Variants in DCT observed in about 807,000 individuals in gnomAD.
DCT encodes L-dopachrome tautomerase.
A neutral mutation model predicts 53.0 loss-of-function variants in DCT; 47 were observed. That is an observed-to-expected ratio of 0.89 (90% CI 0.70 to 1.13). The LOEUF (loss-of-function observed/expected upper bound fraction) is 1.13. Ranked by LOEUF, DCT falls within the 50% of genes most tolerant of loss-of-function variation. DCT has a pLI of 0.00. For synonymous variants in DCT, 244 were observed against 237.0 expected (o/e 1.03, Z -0.27); for missense variants, 669 against 637.4 (o/e 1.05, Z -0.53).
In DCT at chr13:94,473,244, G is replaced by A. The variant is rs567956863; in HGVS notation, c.296-4199C>T. On this transcript the variant is annotated intron_variant, in intron 1 of 7. Coordinates refer to ENST00000377028, the MANE Select transcript of DCT (RefSeq NM_001922.5). ...CTTCGAATATCCATATGACTATTTTGGTTTTCACCTTCAGTACAGTATTTA... is the reference window on the plus strand; with the variant it reads ...CTTCGAATATCCATATGACTATTTTAGTTTTCACCTTCAGTACAGTATTTA... Among the ~76,000 whole-genome samples, 104 of 152,044 alleles carry A rather than the reference G, an allele frequency of 6.8e-4. 1 individual carries two copies. Among genetic ancestry groups the A allele is most frequent in the Middle Eastern group, 3.2e-3 (1 of 316 alleles).
the DCT span, among the ~76,000 whole-genome samples, chr13:94,510,261 T>C: frequency 3.3e-5 from 5 of 152,182 alleles, no homozygotes; most frequent in Admixed American, 2.0e-4. Flanking sequence ...TTTCCTGATA[T>C]AATTGGACTA....
At chr13:94,466,536 TA>T in intron 3 of DCT, 21 bp downstream of exon 3, 1 of 1,512,844 alleles carries the variant, frequency 6.6e-7, no homozygotes, top group African/African-American at 1.4e-5. Flanking sequence ...TTAAAAGAAC[TA>T]AATGCATAGT....
the DCT span, among the ~76,000 whole-genome samples, chr13:94,548,858 AAC>A: frequency 2.0e-5 from 3 of 152,212 alleles, no homozygotes; most frequent in Admixed American, 6.5e-5. Context: ...AACAGAAAGG[AAC>A]GTCTAGACCC....
At chr13:94,443,677 C>T (rs1566799679) in intron 6 of DCT, 40 bp from the exon 7 acceptor site, 2 of 1,499,502 alleles carry the variant, frequency 1.3e-6, no homozygotes, top group African/African-American at 1.4e-5. Flanking sequence ...ATAAATCAGT[C>T]TGTTCCGATC....
the DCT span, among the ~76,000 whole-genome samples, chr13:94,547,282 C>A: frequency 6.5e-4 from 99 of 151,922 alleles, no homozygotes; most frequent in African/African-American, 2.3e-3. Flanking sequence ...ACGCCCAGCT[C>A]ATTTTTGTAT....
chr13:94,490,615 T>C, the DCT span, among the ~76,000 whole-genome samples: 1 of 151,622 alleles, frequency 6.6e-6, no homozygotes, highest in Non-Finnish European at 1.5e-5. Context: ...CTCATTCAGT[T>C]ACTTTTCATG....
intron 7 of DCT, among the ~76,000 whole-genome samples, chr13:94,442,170 C>T (rs1882372181): frequency 6.6e-6 from 1 of 152,148 alleles, no homozygotes; most frequent in Non-Finnish European, 1.5e-5. Flanking sequence ...TACAGCCAGG[C>T]TTGAAAGACT....
At chr13:94,512,707 C>CAT in the DCT span, among the ~76,000 whole-genome samples, 146 of 123,588 alleles carry the variant, frequency 1.2e-3, no homozygotes, top group Admixed American at 2.9e-3. Context: ...CCAATGGTTT[C>CAT]ATATATATAT....
chr13:94,474,753 A>G (rs1359426318), intron 1 of DCT, among the ~76,000 whole-genome samples: 1 of 152,192 alleles, frequency 6.6e-6, no homozygotes, highest in East Asian at 1.9e-4. Flanking sequence ...TTATCCCTAC[A>G]GAGACTATAG....
chr13:94,481,333 A>T (rs772862243), upstream of DCT, among the ~76,000 whole-genome samples: 1 of 152,200 alleles, frequency 6.6e-6, no homozygotes, highest in Non-Finnish European at 1.5e-5. Context: ...AACCTAACAC[A>T]TCATGGGTGG....
At chr13:94,522,314 G>A in the DCT span, among the ~76,000 whole-genome samples, 471 of 152,014 alleles carry the variant, frequency 3.1e-3, 2 homozygotes, top group African/African-American at 0.011. Flanking sequence ...ATGAAAGGAG[G>A]GACTGACCTA....
the DCT span, among the ~76,000 whole-genome samples, chr13:94,541,637 G>A: frequency 6.6e-6 from 1 of 152,132 alleles, no homozygotes; most frequent in Non-Finnish European, 1.5e-5. Flanking sequence ...AATTACTTCT[G>A]CACCCACCTA....
intron 6 of DCT, among the ~76,000 whole-genome samples, chr13:94,457,613 G>C (rs1883493683): frequency 6.6e-6 from 1 of 152,114 alleles, no homozygotes; most frequent in Non-Finnish European, 1.5e-5. Flanking sequence ...AGAGTCTTTG[G>C]ATATCACACA....
At position 94,479,087 on chromosome 13, in the gene DCT, C is replaced by T; in HGVS notation, c.169G>A (p.Gly57Ser). Reference protein sequence around the residue: ...ESANVCGSQQGRGQCTEVRAD... With the variant: ...ESANVCGSQQSRGQCTEVRAD... ...CGCACCTCTGTGCACTGCCCCCGGC[C>T]TTGCTGAGAGCCACAGACATTGGCC... Residue 57 changes from glycine (G) to serine (S), a missense_variant, in exon 1 of 8, where the codon GGC becomes AGC. Coordinates refer to ENST00000377028, the MANE Select transcript of DCT (RefSeq NM_001922.5). The T allele has an allele frequency of 6.2e-7, 1 of 1,614,256 alleles. No individual in the cohort carries two copies. Among genetic ancestry groups the T allele is most frequent in the South Asian group, 1.1e-5 (1 of 91,090 alleles).
chr13:94,452,068 T>A (rs1883132274), intron 6 of DCT, among the ~76,000 whole-genome samples: 1 of 152,162 alleles, frequency 6.6e-6, no homozygotes, highest in African/African-American at 2.4e-5. Context: ...GTTTCGCTCT[T>A]GTCACCCAGG....
the DCT span, among the ~76,000 whole-genome samples, chr13:94,547,962 C>CAAA: frequency 5.2e-4 from 35 of 67,890 alleles, no homozygotes; most frequent in African/African-American, 2.1e-3. Flanking sequence ...AACTCCGTCT[C>CAAA]AAAAAAAAAA....
At chr13:94,501,306 A>T in the DCT span, among the ~76,000 whole-genome samples, 1 of 152,068 alleles carries the variant, frequency 6.6e-6, no homozygotes, top group Non-Finnish European at 1.5e-5. Flanking sequence ...AAATAAATAA[A>T]AGAATTTGGA....
chr13:94,539,096 C>A, the DCT span, among the ~76,000 whole-genome samples: 1 of 152,162 alleles, frequency 6.6e-6, no homozygotes, highest in Non-Finnish European at 1.5e-5. Flanking sequence ...AATTCTTAGT[C>A]CCCTGCTTTG....
At chr13:94,482,887 C>A (rs931000391), upstream of DCT, among the ~76,000 whole-genome samples, 4 of 152,142 alleles carry the variant, frequency 2.6e-5, no homozygotes, top group African/African-American at 9.7e-5. Flanking sequence ...CCCATGAACT[C>A]CCCCCTCAGT....
Sources: allele counts gnomAD v4.1 joint callset (sites outside exome capture counted in the v4.1 genomes callset), GRCh38; gene constraint gnomAD v4.1.1; transcripts MANE v1.5; gene names NCBI Gene and HGNC (gene_info 2026-07-23, HGNC 2026-07-21).